ARHGEF7: variants seen among roughly 807,000 people sequenced by gnomAD.
ARHGEF7 encodes the protein Rho guanine nucleotide exchange factor 7.
ARHGEF7 carries 33 observed loss-of-function variants against 109.8 expected under a neutral mutation model. That is an observed-to-expected ratio of 0.30 (90% CI 0.23 to 0.40). The LOEUF is 0.40. ARHGEF7 is among the 10% of genes least tolerant of loss of function. The probability of loss-of-function intolerance (pLI) is 1.00; values close to 1 mark genes in which losing one functional copy is unlikely to be tolerated. For synonymous variants in ARHGEF7, 458 were observed against 424.6 expected (o/e 1.08, Z -0.97); for missense variants, 938 against 1,098.5 (o/e 0.85, Z 2.07).
At chr13:111,186,729 A>G in intron 2 of ARHGEF7, 1 of 749,120 alleles carries the variant, frequency 1.3e-6, no homozygotes, top group Non-Finnish European at 1.6e-6. Context: ...TTGTGTCAAG[A>G]ATAACTTTCT....
chr13:111,219,960 C>T (rs1481208150), intron 5 of ARHGEF7, among the ~76,000 whole-genome samples: 1 of 151,734 alleles, frequency 6.6e-6, no homozygotes, highest in Non-Finnish European at 1.5e-5. Context: ...GGCACTGGCA[C>T]CATGCTGAGG....
At chr13:111,203,067 T>C in intron 2 of ARHGEF7, 1 of 1,275,534 alleles carries the variant, frequency 7.8e-7, no homozygotes, top group South Asian at 1.3e-5. Context: ...TTCACATTTT[T>C]CACATCCTGT....
In ARHGEF7 at chr13:111,209,909, C is replaced by A. The variant is rs765660092; in HGVS notation, c.375C>A (p.Pro125=). 4 of 1,614,198 alleles carry A rather than the reference C, an allele frequency of 2.5e-6. No individual in the cohort carries two copies. The highest frequency in any genetic ancestry group is 3.4e-6 in the Non-Finnish European group (4 of 1,180,042). ...GLGSDSVCAR[P]SSHRIKSFDS... ...GGAGTGACTCCGTGTGTGCCCGGCCCTCGTCTCACCGCATAAAGTCTTTTG... is the reference window on the plus strand; with the variant it reads ...GGAGTGACTCCGTGTGTGCCCGGCCATCGTCTCACCGCATAAAGTCTTTTG... Residue 125 remains proline, a synonymous_variant, in exon 4 of 22, where the codon CCC becomes CCA. Coordinates refer to ENST00000646102, the MANE Select transcript of ARHGEF7 (RefSeq NM_001354046.2).
chr13:111,138,227 C>T (rs941089719), intron 1 of ARHGEF7, among the ~76,000 whole-genome samples: 9 of 152,102 alleles, frequency 5.9e-5, no homozygotes, highest in African/African-American at 1.9e-4. Flanking sequence ...GCTGGAGAAT[C>T]GCTTGAACTC....
At chr13:111,127,226 A>G (rs568638161) in intron 1 of ARHGEF7, among the ~76,000 whole-genome samples, 1 of 152,372 alleles carries the variant, frequency 6.6e-6, no homozygotes, top group South Asian at 2.1e-4. Flanking sequence ...AACTTTAATA[A>G]CCCTACATCT....
intron 2 of ARHGEF7, among the ~76,000 whole-genome samples, chr13:111,184,468 T>C (rs552677521): frequency 6.6e-6 from 1 of 152,306 alleles, no homozygotes; most frequent in East Asian, 1.9e-4. Flanking sequence ...GCTGGCTTGT[T>C]TAGCACTCAG....
chr13:111,138,449 C>G (rs951252184), intron 1 of ARHGEF7, among the ~76,000 whole-genome samples: 1 of 152,188 alleles, frequency 6.6e-6, no homozygotes. Context: ...CCACTGCCCT[C>G]CAGCCTGGAT....
intron 2 of ARHGEF7, among the ~76,000 whole-genome samples, chr13:111,184,194 G>A (rs566441022): frequency 6.6e-6 from 1 of 152,166 alleles, no homozygotes; most frequent in Non-Finnish European, 1.5e-5. Flanking sequence ...CTCTCTCGTT[G>A]TCCTGTGAAG....
chr13:111,302,472 C>T (rs753368676), intron 21 of ARHGEF7, among the ~76,000 whole-genome samples: 5 of 152,196 alleles, frequency 3.3e-5, no homozygotes, highest in Non-Finnish European at 7.3e-5. Context: ...TCCAGGTACA[C>T]CTTTGCCTGG....
At chr13:111,134,563 A>C (rs1431181488) in intron 1 of ARHGEF7, among the ~76,000 whole-genome samples, 3 of 152,100 alleles carry the variant, frequency 2.0e-5, no homozygotes, top group Non-Finnish European at 4.4e-5. Flanking sequence ...GCATTTTTTC[A>C]TGTGTCTGTT....
At chr13:111,216,862 A>G (rs2083215457) in intron 4 of ARHGEF7, among the ~76,000 whole-genome samples, 1 of 152,238 alleles carries the variant, frequency 6.6e-6, no homozygotes, top group Non-Finnish European at 1.5e-5. Context: ...TGTCCGGGGC[A>G]GATGGAAATC....
intron 2 of ARHGEF7, among the ~76,000 whole-genome samples, chr13:111,176,502 C>A (rs2078174993): frequency 6.6e-6 from 1 of 152,216 alleles, no homozygotes. Context: ...CCCACTCTCT[C>A]CTTTCTCTTC....
chr13:111,178,807 GA>G (rs1286374210), intron 2 of ARHGEF7, among the ~76,000 whole-genome samples: 1 of 152,240 alleles, frequency 6.6e-6, no homozygotes, highest in African/African-American at 2.4e-5. Flanking sequence ...GGCAGTGACT[GA>G]GATCTTTAAG....
intron 1 of ARHGEF7, among the ~76,000 whole-genome samples, chr13:111,120,340 C>G (rs546884992): frequency 6.6e-6 from 1 of 152,376 alleles, no homozygotes; most frequent in South Asian, 2.1e-4. Flanking sequence ...CACACAGACA[C>G]AGGAGAGCAC....
rs1447878686 is a variant in ARHGEF7, at chr13:111,266,335, ACT to A, written c.951-1210_951-1209del. Among the ~76,000 whole-genome samples the A allele has an allele frequency of 4.8e-5, 7 of 145,462 alleles. No individual in the cohort carries two copies. The highest frequency in any genetic ancestry group is 4.1e-4 in the East Asian group (2 of 4,886). ...ATCCTTGTTTCTGGGCTTCTGAATG[ACT>A]CTGCTGTTGTCTGGGGCCTCGGTCT... On this transcript the variant is annotated intron_variant, in intron 8 of 21. Transcript: ENST00000646102. The surrounding 1 kb of genome is among the most constrained non-coding windows in gnomAD (Gnocchi z 4.8).
chr13:111,180,114 T>G (rs1027460271), intron 2 of ARHGEF7, among the ~76,000 whole-genome samples: 5 of 152,228 alleles, frequency 3.3e-5, no homozygotes, highest in African/African-American at 1.2e-4. Flanking sequence ...TTTGAGGCTT[T>G]CTTTAGGGCC....
intron 6 of ARHGEF7, among the ~76,000 whole-genome samples, chr13:111,240,366 C>T (rs550849011): frequency 3.3e-5 from 5 of 152,168 alleles, no homozygotes; most frequent in African/African-American, 4.8e-5. Flanking sequence ...TATGTGGTCT[C>T]TCCAAACTTT....
intron 9 of ARHGEF7, among the ~76,000 whole-genome samples, chr13:111,270,479 T>C (rs1458272695): frequency 6.6e-6 from 1 of 152,198 alleles, no homozygotes; most frequent in East Asian, 1.9e-4. Context: ...TTATAAAATT[T>C]CATTTCCTTT....
Position 111,228,860 on chromosome 13 carries a change from G to A in ARHGEF7, c.671-4345G>A, listed in dbSNP as rs2085593718. ...TTTCAGGGCCATGTCTGCTCTGGTGGTTGAAGCCAGCGGTGATGATTAACT... is the reference window on the plus strand; with the variant it reads ...TTTCAGGGCCATGTCTGCTCTGGTGATTGAAGCCAGCGGTGATGATTAACT... On this transcript the variant is annotated intron_variant, in intron 5 of 21. Transcript: ENST00000646102. The surrounding 1 kb of genome is among the most constrained non-coding windows in gnomAD (Gnocchi z 4.6). 2.0e-5 allele frequency among the ~76,000 whole-genome samples: 3 copies of A among 152,068 alleles called. No individual in the cohort carries two copies. Among genetic ancestry groups the A allele is most frequent in the African/African-American group, 7.2e-5 (3 of 41,394 alleles).
Sources: gnomAD v4.1 joint callset for allele counts (sites outside exome capture counted in the v4.1 genomes callset) on GRCh38, gnomAD v4.1.1 for gene constraint, Gnocchi (gnomAD v3.1) non-coding constraint, MANE v1.5 for transcripts, NCBI Gene and HGNC (gene_info 2026-07-23, HGNC 2026-07-21) for gene names.